The following ADAM17 variants were observed in gnomAD, a reference collection of about 807,000 sequenced individuals.
ADAM17 encodes ADAM metallopeptidase domain 17.
In ADAM17, 39 loss-of-function variants were observed where a neutral mutation model predicts 96.7. That is an observed-to-expected ratio of 0.40 (90% CI 0.31 to 0.53). ADAM17 has a LOEUF of 0.53. Among genes scored for constraint, ADAM17 ranks in the 20% least tolerant of loss-of-function variants. The pLI, the probability that ADAM17 is intolerant of heterozygous loss-of-function variation, is 0.44. For synonymous variants in ADAM17, 344 were observed against 359.2 expected, an observed-to-expected ratio of 0.96 and a Z score of 0.48; for missense variants, 777 against 1,013.2, an observed-to-expected ratio of 0.77 and a Z score of 3.17.
intron 14 of ADAM17, chr2:9,496,226 T>C (rs564657302): frequency 2.6e-5 from 4 of 152,296 alleles, no homozygotes; most frequent in South Asian, 2.1e-4. Flanking sequence ...CCCCCTGGGT[T>C]CAAGCAATTC....
rs190275761 is a variant in ADAM17 at position 9,519,050 on chromosome 2, C to T, written c.958-803G>A. Among the ~76,000 whole-genome samples, 65 of 152,172 alleles carry T rather than the reference C, an allele frequency of 4.3e-4. 2 individuals are homozygous for T. The South Asian group carries it at 4.6e-3, about 11-fold the overall frequency. ...CCTCCCAAGAAGCTGGTACCAAAGG[C>T]GTGCCTCACCATGCCCGGCTAATTT... is the stretch of plus-strand genomic sequence containing the variant. On this transcript the variant is annotated intron_variant, in intron 8 of 18. Transcript: ENST00000310823.
intron 2 of ADAM17, among the ~76,000 whole-genome samples, chr2:9,540,574 A>G (rs1665168521): frequency 6.6e-6 from 1 of 152,200 alleles, no homozygotes; most frequent in South Asian, 2.1e-4. Context: ...TCGAATAAAA[A>G]GAAGTCATTA....
chr2:9,513,535 T>C (rs1353476193), intron 10 of ADAM17, among the ~76,000 whole-genome samples: 1 of 151,768 alleles, frequency 6.6e-6, no homozygotes, highest in Admixed American at 6.6e-5. Flanking sequence ...TATTTCCGGG[T>C]GGAGAGTGTT....
intron 1 of ADAM17, among the ~76,000 whole-genome samples, chr2:9,546,309 T>G (rs962597148): frequency 4.6e-5 from 7 of 152,226 alleles, no homozygotes; most frequent in African/African-American, 1.7e-4. Context: ...TTTAAAATAC[T>G]TAACTAATGC....
intron 2 of ADAM17, among the ~76,000 whole-genome samples, chr2:9,538,006 G>A (rs1665053753): frequency 1.1e-5 from 1 of 95,014 alleles, no homozygotes; most frequent in Non-Finnish European, 2.2e-5. Flanking sequence ...GGAGGGGAAG[G>A]GAGGGGAGGA....
intron 4 of ADAM17, among the ~76,000 whole-genome samples, chr2:9,531,150 G>T (rs1664721532): frequency 2.0e-5 from 3 of 152,004 alleles, no homozygotes; most frequent in Non-Finnish European, 4.4e-5. Context: ...TAGAGACGAG[G>T]TTTCACCATG....
chr2:9,495,321 T>C (rs1487162227), intron 14 of ADAM17, among the ~76,000 whole-genome samples: 3 of 152,254 alleles, frequency 2.0e-5, no homozygotes, highest in East Asian at 1.9e-4. Context: ...CTGTGAGCCA[T>C]GTGGGCATAC....
intron 3 of ADAM17, 120 bp from the exon 4 acceptor site, chr2:9,536,042 G>T: frequency 2.0e-6 from 1 of 512,658 alleles, no homozygotes; most frequent in Non-Finnish European, 3.1e-6. Flanking sequence ...TGAGAGCTCT[G>T]CAAAACAAGA....
chr2:9,548,534 A>C (rs1665485699), intron 1 of ADAM17, among the ~76,000 whole-genome samples: 1 of 152,024 alleles, frequency 6.6e-6, no homozygotes, highest in Non-Finnish European at 1.5e-5. Context: ...TCAGGAGACA[A>C]TTGCATGCTG....
intron 17 of ADAM17, among the ~76,000 whole-genome samples, chr2:9,492,178 C>T (rs928691855): frequency 3.9e-5 from 6 of 152,192 alleles, no homozygotes; most frequent in African/African-American, 7.2e-5. Context: ...AGGAAGGCCA[C>T]TATGAAAGAG....
At chr2:9,496,441 T>C (rs940583787) in intron 14 of ADAM17, 1 of 152,114 alleles carries the variant, frequency 6.6e-6, no homozygotes, top group Non-Finnish European at 1.5e-5. Context: ...TCTGTCTATT[T>C]TGAAAGCAAG....
In ADAM17 at chr2:9,555,767, C is replaced by T. The variant is rs547394870; in HGVS notation, c.-162G>A. 4 of 550,886 alleles carry T rather than the reference C, an allele frequency of 7.3e-6. No homozygotes were observed. Among genetic ancestry groups the T allele is most frequent in the African/African-American group, 5.8e-5 (3 of 51,534 alleles). 34.1% of individuals were successfully genotyped at this position (550,886 alleles called of 1,614,324 possible). On this transcript the variant is annotated 5_prime_UTR_variant, in exon 1 of 19. Coordinates refer to ENST00000310823, the MANE Select transcript of ADAM17 (RefSeq NM_003183.6). ...ACTGGGAAGATTCTACCGCCAGGCTCGACGCCCCCAGAAGTGCAGGTGGCG... is the reference window on the plus strand; with the variant it reads ...ACTGGGAAGATTCTACCGCCAGGCTTGACGCCCCCAGAAGTGCAGGTGGCG...
intron 2 of ADAM17, among the ~76,000 whole-genome samples, chr2:9,539,203 G>A (rs182197430): frequency 1.3e-4 from 20 of 152,040 alleles, no homozygotes; most frequent in African/African-American, 4.1e-4. Context: ...CACCTCCTGG[G>A]TTCACGCCAT....
chr2:9,534,308 G>A (rs996469069), intron 4 of ADAM17, among the ~76,000 whole-genome samples: 24 of 152,270 alleles, frequency 1.6e-4, no homozygotes, highest in African/African-American at 5.5e-4. Flanking sequence ...GCCAGAGGTT[G>A]CAGTGAGCCG....
chr2:9,495,684 A>G (rs996338727), intron 14 of ADAM17, among the ~76,000 whole-genome samples: 23 of 149,072 alleles, frequency 1.5e-4, no homozygotes, highest in African/African-American at 5.0e-4. Context: ...ACTGCACTCC[A>G]GCCTGGGCGA....
intron 1 of ADAM17, among the ~76,000 whole-genome samples, chr2:9,554,970 A>C (rs1665695715): frequency 6.6e-6 from 1 of 152,144 alleles, no homozygotes; most frequent in African/African-American, 2.4e-5. Flanking sequence ...CGTGCTTAGG[A>C]TGTTCGCAAA....
intron 13 of ADAM17, among the ~76,000 whole-genome samples, chr2:9,500,436 T>G (rs994909456): frequency 1.3e-5 from 2 of 152,214 alleles, no homozygotes; most frequent in African/African-American, 4.8e-5. Context: ...AGCTAAAGGA[T>G]ACAGGGTTTC....
intron 1 of ADAM17, 120 bp downstream of exon 1, chr2:9,555,389 A>T: frequency 2.5e-6 from 2 of 796,906 alleles, no homozygotes; most frequent in Non-Finnish European, 3.8e-6. Flanking sequence ...CTGAAAACTT[A>T]GGGACGCGCC....
intron 1 of ADAM17, among the ~76,000 whole-genome samples, chr2:9,552,050 C>T (rs1346689953): frequency 6.6e-6 from 1 of 152,158 alleles, no homozygotes. Flanking sequence ...AATTTTGGAG[C>T]ATTTCAGATT....
Sources: allele counts gnomAD v4.1 joint callset (sites outside exome capture counted in the v4.1 genomes callset), GRCh38; gene constraint gnomAD v4.1.1; transcripts MANE v1.5; gene names NCBI Gene and HGNC (gene_info 2026-07-23, HGNC 2026-07-21).